LUC7L2: variants seen among roughly 807,000 people sequenced by gnomAD.
LUC7L2 encodes LUC7 like 2, pre-mRNA splicing factor, also known as putative RNA-binding protein Luc7-like 2.
In LUC7L2, 25 loss-of-function variants were observed where a neutral mutation model predicts 52.8. The observed-to-expected ratio is 0.47, with a 90% confidence interval of 0.34 to 0.66. The LOEUF (loss-of-function observed/expected upper bound fraction) is 0.66. LUC7L2 is among the 30% of genes least tolerant of loss of function. The pLI is 0.01. For missense variants in LUC7L2, 328 were observed against 497.8 expected (o/e 0.66, Z 3.25); for synonymous variants, 144 against 160.9 (o/e 0.89, Z 0.80).
chr7:139,352,952 C>T (rs1194566930), intron 1 of LUC7L2, among the ~76,000 whole-genome samples: 1 of 152,180 alleles, frequency 6.6e-6, no homozygotes, highest in Non-Finnish European at 1.5e-5. Context: ...AATCCCAGCA[C>T]TTTGGGAGGC....
chr7:139,392,443 TA>T (rs1794483190), intron 2 of LUC7L2: 1 of 403,646 alleles, frequency 2.5e-6, no homozygotes, highest in Admixed American at 3.0e-5. Context: ...TAAAACAATA[TA>T]AAATGCTGTG....
upstream of LUC7L2, among the ~76,000 whole-genome samples, chr7:139,357,604 T>TC (rs1188989901): frequency 1.3e-5 from 2 of 152,190 alleles, no homozygotes; most frequent in African/African-American, 4.8e-5. Flanking sequence ...CCAAAGGATA[T>TC]CCTAGTATTT....
intron 1 of LUC7L2, among the ~76,000 whole-genome samples, chr7:139,347,892 G>T (rs576040220): frequency 5.3e-5 from 8 of 152,110 alleles, no homozygotes; most frequent in Admixed American, 2.0e-4. Flanking sequence ...GTAGAGATGG[G>T]GTTTCACCAT....
At chr7:139,383,407 T>A (rs547044211) in intron 2 of LUC7L2, among the ~76,000 whole-genome samples, 30 of 145,812 alleles carry the variant, frequency 2.1e-4, no homozygotes, top group Non-Finnish European at 4.0e-4. Flanking sequence ...CTTTATTGGA[T>A]TTATTTATTT....
chr7:139,422,011 T>C (rs1349396649), intron 9 of LUC7L2, 152 bp from the exon 10 acceptor site: 4 of 1,227,138 alleles, frequency 3.3e-6, no homozygotes, highest in Non-Finnish European at 4.3e-6. Context: ...ACTATGGTAG[T>C]GCTCTGTAAT....
chr7:139,341,531 G>A (rs775020710), intron 1 of LUC7L2: 4 of 1,609,474 alleles, frequency 2.5e-6, no homozygotes, highest in Non-Finnish European at 2.5e-6. Context: ...GGGTACGGGA[G>A]CCATGTCCCG....
intron 1 of LUC7L2, among the ~76,000 whole-genome samples, chr7:139,367,111 A>G (rs1016917319): frequency 1.3e-5 from 2 of 151,986 alleles, no homozygotes; most frequent in African/African-American, 2.4e-5. Flanking sequence ...GGCTGAGATG[A>G]CAGGCATGCA....
At chr7:139,381,589 T>G (rs1256235389) in intron 2 of LUC7L2, among the ~76,000 whole-genome samples, 8 of 150,422 alleles carry the variant, frequency 5.3e-5, no homozygotes, top group Admixed American at 4.6e-4. Flanking sequence ...TTTTTTTTCT[T>G]TTTTTGAGAC....
chr7:139,361,818 ATAAC>A (rs1376003897), intron 1 of LUC7L2, among the ~76,000 whole-genome samples: 3 of 152,200 alleles, frequency 2.0e-5, no homozygotes, highest in Non-Finnish European at 4.4e-5. Context: ...AGCTAACAGA[ATAAC>A]TAATCTGTGT....
rs1569388362 is a variant in LUC7L2 at position 139,402,250 on chromosome 7, A to G, written c.366+3A>G. 6.3e-7 allele frequency: 1 copy of G among 1,587,576 alleles called. No homozygotes were observed. Among genetic ancestry groups the G allele is most frequent in the Non-Finnish European group, 8.5e-7 (1 of 1,171,344 alleles). Reference sequence around the variant, plus strand: ...TTAGTGCTGAAGTAGCAGCAAAGGTAAGAATTTTAATCATTTCATTAGTAC... The same window carrying G: ...TTAGTGCTGAAGTAGCAGCAAAGGTGAGAATTTTAATCATTTCATTAGTAC... On this transcript the variant is annotated splice_donor_region_variant and intron_variant, in intron 4 of 9. Coordinates refer to ENST00000354926, the MANE Select transcript of LUC7L2 (RefSeq NM_016019.5).
chr7:139,357,725 ACACT>A (rs1799648834), upstream of LUC7L2, among the ~76,000 whole-genome samples: 1 of 148,052 alleles, frequency 6.8e-6, no homozygotes, highest in Non-Finnish European at 1.5e-5. Context: ...ATGGAGTCTC[ACACT>A]CACCAGGGCT....
intron 2 of LUC7L2, among the ~76,000 whole-genome samples, chr7:139,376,562 T>C (rs150057576): frequency 3.9e-5 from 6 of 152,360 alleles, no homozygotes; most frequent in African/African-American, 9.6e-5. Context: ...TGGGGAAATA[T>C]ATTAGTAAAT....
intron 2 of LUC7L2, among the ~76,000 whole-genome samples, chr7:139,384,899 C>T (rs563359502): frequency 1.3e-5 from 2 of 152,230 alleles, no homozygotes; most frequent in East Asian, 1.9e-4. Flanking sequence ...GGGACTACTG[C>T]AGATGCACAC....
chr7:139,411,301 T>C (rs964777568), intron 7 of LUC7L2, among the ~76,000 whole-genome samples: 2 of 152,076 alleles, frequency 1.3e-5, no homozygotes, highest in African/African-American at 4.8e-5. Context: ...TATGGAAGTA[T>C]GGAAGATGAG....
At chr7:139,341,653 G>A in intron 1 of LUC7L2, 1 of 1,427,096 alleles carries the variant, frequency 7.0e-7, no homozygotes, top group Non-Finnish European at 9.2e-7. Context: ...CCCTGGTTCT[G>A]ACCAAACCAA....
intron 8 of LUC7L2, among the ~76,000 whole-genome samples, chr7:139,414,515 C>CTGGTTTATG (rs1440205331): frequency 6.6e-6 from 1 of 152,250 alleles, no homozygotes; most frequent in Non-Finnish European, 1.5e-5. Context: ...TGGGATAGTT[C>CTGGTTTATG]TGGTTTATGT....
intron 2 of LUC7L2, among the ~76,000 whole-genome samples, chr7:139,394,569 CAAT>C (rs1794581666): frequency 6.6e-6 from 1 of 152,218 alleles, no homozygotes; most frequent in East Asian, 1.9e-4. Flanking sequence ...AGGTTAAAAA[CAAT>C]GAGGCAAAAT....
chr7:139,421,937 T>C (rs957025263), intron 9 of LUC7L2, among the ~76,000 whole-genome samples: 35 of 152,230 alleles, frequency 2.3e-4, no homozygotes, highest in Admixed American at 2.3e-3. Context: ...TAAGAAATTA[T>C]TTTAGCCTTC....
chr7:139,359,697 G>A (rs1056753084), upstream of LUC7L2: 38 of 398,088 alleles, frequency 9.5e-5, no homozygotes, highest in African/African-American at 7.6e-4. Context: ...GGCGCCTCGG[G>A]GCGGATCCGG....
Sources: gnomAD v4.1 joint callset for allele counts (sites outside exome capture counted in the v4.1 genomes callset) on GRCh38, gnomAD v4.1.1 for gene constraint, MANE v1.5 for transcripts, NCBI Gene and HGNC (gene_info 2026-07-23, HGNC 2026-07-21) for gene names.